Variants in SDHAF3 observed in about 807,000 individuals in gnomAD.
SDHAF3 encodes succinate dehydrogenase assembly factor 3, mitochondrial.
In SDHAF3, 18 loss-of-function variants were observed where a neutral mutation model predicts 11.5. The ratio of observed to expected loss-of-function variants is 1.56; its 90% CI spans 1.08 to 2.32. The LOEUF is 2.32. Ranked by LOEUF, SDHAF3 falls within the 30% of genes most tolerant of loss-of-function variation. The pLI, the probability that SDHAF3 is intolerant of heterozygous loss-of-function variation, is 0.00. For missense variants in SDHAF3, 200 were observed against 154.4 expected, an observed-to-expected ratio of 1.30 and a Z score of -1.57; for synonymous variants, 72 against 59.3, an observed-to-expected ratio of 1.21 and a Z score of -0.99.
At chr7:97,168,038 G>A (rs1199287) in intron 1 of SDHAF3, among the ~76,000 whole-genome samples, 112,840 of 152,126 alleles carry the variant, frequency 0.74, 41,970 homozygotes, top group Middle Eastern at 0.79. Flanking sequence ...TTCATGCTTT[G>A]TGCAGGGGAG....
chr7:97,168,295 G>C (rs1304358503), intron 1 of SDHAF3, among the ~76,000 whole-genome samples: 1 of 152,160 alleles, frequency 6.6e-6, no homozygotes, highest in Non-Finnish European at 1.5e-5. Context: ...GAGCAATTTG[G>C]GGGAGGGTCA....
intron 1 of SDHAF3, among the ~76,000 whole-genome samples, chr7:97,121,392 T>C (rs1791493348): frequency 6.6e-6 from 1 of 152,216 alleles, no homozygotes; most frequent in Admixed American, 6.5e-5. Flanking sequence ...AGACTTCATT[T>C]ATTTTTCTTT....
chr7:97,168,996 A>G (rs1291845851), intron 1 of SDHAF3, among the ~76,000 whole-genome samples: 1 of 152,238 alleles, frequency 6.6e-6, no homozygotes, highest in Non-Finnish European at 1.5e-5. Flanking sequence ...TGCAGAAGAT[A>G]ACTTGTAAGA....
chr7:97,176,078 G>A lies in SDHAF3; in HGVS notation c.175-4934G>A, dbSNP rs184969621. Among the ~76,000 whole-genome samples the A allele has an allele frequency of 4.6e-5, 7 of 152,112 alleles. No individual in the cohort carries two copies. The East Asian group carries it at 9.6e-4, about 21-fold the overall frequency. On this transcript the variant is annotated intron_variant, in intron 1 of 1. Coordinates refer to ENST00000432641, the MANE Select transcript of SDHAF3 (RefSeq NM_020186.3). ...ATCCCCTCTAAGAATACTTGTGACC[G>A]TATTTTCAGGACCATCAGGATAATC...
intron 1 of SDHAF3, among the ~76,000 whole-genome samples, chr7:97,149,693 T>G (rs1370885790): frequency 1.3e-5 from 2 of 152,216 alleles, no homozygotes; most frequent in African/African-American, 4.8e-5. Context: ...GTCATAATAT[T>G]TTTACTGATC....
At chr7:97,150,011 A>G (rs1789193167) in intron 1 of SDHAF3, among the ~76,000 whole-genome samples, 2 of 152,260 alleles carry the variant, frequency 1.3e-5, no homozygotes, top group Admixed American at 1.3e-4. Context: ...TGCCAGGAGT[A>G]GATTCCATTT....
chr7:97,125,156 T>TTTTGTTA (rs1791556714), intron 1 of SDHAF3, among the ~76,000 whole-genome samples: 1 of 152,132 alleles, frequency 6.6e-6, no homozygotes, highest in Non-Finnish European at 1.5e-5. Context: ...CAGCGGTCTA[T>TTTTGTTA]TTTGTTAATC....
intron 1 of SDHAF3, 149 bp from the exon 2 acceptor site, chr7:97,180,863 C>A: frequency 1.4e-6 from 1 of 696,006 alleles, no homozygotes; most frequent in Non-Finnish European, 2.3e-6. Flanking sequence ...TGAATTGTAT[C>A]TTCACAACTA....
chr7:97,117,789 T>G lies in SDHAF3; in HGVS notation c.66T>G (p.Val22=). The change falls in exon 1 of 2, where the codon GTT becomes GTG. Residue 22 remains valine, a synonymous_variant. Coordinates refer to ENST00000432641, the MANE Select transcript of SDHAF3 (RefSeq NM_020186.3). The part of the protein sequence containing the change: ...LYKRVLQLHR[V]LPPDLKSLGD... ...AGCGCGTCTTGCAGCTGCACCGTGTTCTGCCCCCGGACCTCAAATCCCTGG... is the reference window on the plus strand; with the variant it reads ...AGCGCGTCTTGCAGCTGCACCGTGTGCTGCCCCCGGACCTCAAATCCCTGG... The G allele has an allele frequency of 6.2e-7, 1 of 1,614,232 alleles. No individual in the cohort carries two copies. Among genetic ancestry groups the G allele is most frequent in the Non-Finnish European group, 8.5e-7 (1 of 1,180,034 alleles).
Position 97,181,417 on chromosome 7 carries a change from G to A in SDHAF3, c.*202G>A, listed in dbSNP as rs13475. 0.6 allele frequency: 256,179 copies of A among 426,262 alleles called. 77,639 individuals carry two copies. Among genetic ancestry groups the A allele is most frequent in the Non-Finnish European group, 0.63 (153,044 of 242,202 alleles). The allele number at this position is 426,262 out of a possible 1,614,324, so 26.4% of individuals were successfully genotyped here. A position where few individuals can be genotyped will look rare whatever the true frequency, so the allele number is the denominator to read the frequency against. Reference sequence around the variant, plus strand: ...ACTATTGGAATAATAGCACTTGTATGAAATTCAGTTTTGGAACTAAACAGC... The same window carrying A: ...ACTATTGGAATAATAGCACTTGTATAAAATTCAGTTTTGGAACTAAACAGC... On this transcript the variant is annotated 3_prime_UTR_variant, in exon 2 of 2. Coordinates refer to ENST00000432641, the MANE Select transcript of SDHAF3 (RefSeq NM_020186.3).
chr7:97,125,329 T>A (rs1289101719), intron 1 of SDHAF3, among the ~76,000 whole-genome samples: 1 of 152,204 alleles, frequency 6.6e-6, no homozygotes, highest in African/African-American at 2.4e-5. Flanking sequence ...GGGTGTCAAT[T>A]TTAGGCGTTT....
At position 97,181,466 on chromosome 7, in the gene SDHAF3, A is replaced by G; in HGVS notation, c.*251A>G. On this transcript the variant is annotated 3_prime_UTR_variant, in exon 2 of 2. Coordinates refer to ENST00000432641, the MANE Select transcript of SDHAF3 (RefSeq NM_020186.3). ...GCAAATTTCTAGAATTTTGCTGAAA[A>G]TGTTTTAAAATGCTATTCTCATCCA... 3.1e-6 allele frequency: 1 copy of G among 320,090 alleles called. No homozygotes were observed. 19.8% of individuals were successfully genotyped at this position (320,090 alleles called of 1,614,324 possible).
chr7:97,123,457 C>T (rs1562819018), intron 1 of SDHAF3, among the ~76,000 whole-genome samples: 1 of 152,086 alleles, frequency 6.6e-6, no homozygotes. Flanking sequence ...AGTAAACATA[C>T]ATGTGCATGT....
intron 1 of SDHAF3, among the ~76,000 whole-genome samples, chr7:97,130,957 T>A (rs1318276570): frequency 6.6e-6 from 1 of 152,226 alleles, no homozygotes; most frequent in African/African-American, 2.4e-5. Context: ...GGTCATGGAC[T>A]TTGCCAGGAA....
chr7:97,169,832 TTTAG>T (rs1789577725), intron 1 of SDHAF3, among the ~76,000 whole-genome samples: 1 of 152,146 alleles, frequency 6.6e-6, no homozygotes, highest in Non-Finnish European at 1.5e-5. Flanking sequence ...ACTATTACAA[TTTAG>T]TTGTTTTTGA....
At position 97,181,484 on chromosome 7, in the gene SDHAF3, C is replaced by T. The variant is rs1789773700; in HGVS notation, c.*269C>T. 3.6e-6 allele frequency: 1 copy of T among 277,246 alleles called. No homozygotes were observed. Among genetic ancestry groups the T allele is most frequent in the Non-Finnish European group, 6.8e-6 (1 of 146,608 alleles). The allele number at this position is 277,246 out of a possible 1,614,324, so 17.2% of individuals were successfully genotyped here. On this transcript the variant is annotated 3_prime_UTR_variant, in exon 2 of 2. Transcript: ENST00000432641. ...GCTGAAAATGTTTTAAAATGCTATT[C>T]TCATCCAGCCATATTAGTCTTCTGG...
At chr7:97,157,317 T>C (rs1789318525) in intron 1 of SDHAF3, among the ~76,000 whole-genome samples, 1 of 152,186 alleles carries the variant, frequency 6.6e-6, no homozygotes, top group Non-Finnish European at 1.5e-5. Context: ...TCCCTTCTAT[T>C]TCCTGACAAA....
intron 1 of SDHAF3, among the ~76,000 whole-genome samples, chr7:97,122,008 C>T (rs187200541): frequency 1.3e-5 from 2 of 152,094 alleles, no homozygotes; most frequent in African/African-American, 2.4e-5. Context: ...CAGGCGCCCA[C>T]CACTGCGCCC....
intron 1 of SDHAF3, among the ~76,000 whole-genome samples, chr7:97,136,126 G>A (rs1029721200): frequency 3.9e-5 from 6 of 151,924 alleles, no homozygotes; most frequent in African/African-American, 1.2e-4. Context: ...AATATTTGTC[G>A]AGCTGTTAGG....
Sources: gnomAD v4.1 joint callset for allele counts (sites outside exome capture counted in the v4.1 genomes callset) on GRCh38, gnomAD v4.1.1 for gene constraint, MANE v1.5 for transcripts, NCBI Gene and HGNC (gene_info 2026-07-23, HGNC 2026-07-21) for gene names.